GMDS: variants seen among roughly 807,000 people sequenced by gnomAD.
The protein encoded by GMDS is GDP-mannose 4,6-dehydratase.
A neutral mutation model predicts 49.9 loss-of-function variants in GMDS; 20 were observed. The observed-to-expected ratio is 0.40, with a 90% CI of 0.28 to 0.58. The LOEUF (loss-of-function observed/expected upper bound fraction) is 0.58, where lower values mean the gene tolerates loss of function less well. Ranked by LOEUF, GMDS falls within the 20% of genes least tolerant of loss-of-function variation. The pLI is 0.42. For missense variants in GMDS, 362 were observed against 481.4 expected, an observed-to-expected ratio of 0.75 and a Z score of 2.32; for synonymous variants, 177 against 178.6, an observed-to-expected ratio of 0.99 and a Z score of 0.07.
chr6:2,107,794 G>A (rs1486554972), intron 4 of GMDS, among the ~76,000 whole-genome samples: 1 of 152,178 alleles, frequency 6.6e-6, no homozygotes, highest in African/African-American at 2.4e-5. Flanking sequence ...AATTCTTCTA[G>A]ACACAAAAGG....
intron 9 of GMDS, among the ~76,000 whole-genome samples, chr6:1,665,329 G>A (rs539770966): frequency 2.0e-5 from 3 of 152,262 alleles, no homozygotes; most frequent in South Asian, 2.1e-4. Context: ...TTGTTTGAAG[G>A]AGGTAATGGG....
At chr6:2,063,659 T>C (rs1771331424) in intron 4 of GMDS, among the ~76,000 whole-genome samples, 1 of 152,132 alleles carries the variant, frequency 6.6e-6, no homozygotes, top group Non-Finnish European at 1.5e-5. Context: ...ATAAAAGAGG[T>C]GAATGCCACA....
chr6:1,879,608 G>T (rs1469424333), intron 7 of GMDS, among the ~76,000 whole-genome samples: 1 of 149,914 alleles, frequency 6.7e-6, no homozygotes, highest in African/African-American at 2.5e-5. Flanking sequence ...AAAGAATATT[G>T]AGATAGAGAG....
intron 1 of GMDS, among the ~76,000 whole-genome samples, chr6:2,229,447 G>A (rs1780979134): frequency 6.6e-6 from 1 of 151,400 alleles, no homozygotes; most frequent in African/African-American, 2.4e-5. Flanking sequence ...TGAGTCACGT[G>A]TGGTGGCACA....
At chr6:1,668,716 ACAAACAAAC>A (rs1264773541) in intron 9 of GMDS, among the ~76,000 whole-genome samples, 1 of 145,064 alleles carries the variant, frequency 6.9e-6, no homozygotes, top group East Asian at 2.6e-4. Context: ...AAACAAACAA[ACAAACAAAC>A]AAAAAAAACC....
chr6:1,904,878 T>C (rs992619204), intron 7 of GMDS, among the ~76,000 whole-genome samples: 3 of 152,148 alleles, frequency 2.0e-5, no homozygotes, highest in African/African-American at 4.8e-5. Context: ...TGTCACATGG[T>C]TGACAAAGGG....
In GMDS at chr6:1,833,956, C is replaced by A. The variant is rs1432604243; in HGVS notation, c.772-91370G>T. ...CCATAGAACAACTCTAATATTCTTACTCACTCAAAAATGAAGACATGTATA... is the reference window on the plus strand; with the variant it reads ...CCATAGAACAACTCTAATATTCTTAATCACTCAAAAATGAAGACATGTATA... On this transcript the variant is annotated intron_variant, in intron 7 of 10. Transcript: ENST00000380815. The surrounding 1 kb of genome is among the most constrained non-coding windows in gnomAD (Gnocchi z 4.4). Among the ~76,000 whole-genome samples, 1 of 152,200 alleles carries A rather than the reference C, an allele frequency of 6.6e-6. No homozygotes were observed. The highest frequency in any genetic ancestry group is 1.5e-5 in the Non-Finnish European group (1 of 68,026).
At chr6:1,824,463 A>G (rs964260912) in intron 7 of GMDS, among the ~76,000 whole-genome samples, 1 of 151,874 alleles carries the variant, frequency 6.6e-6, no homozygotes, top group Admixed American at 6.6e-5. Context: ...ATACGTCCAC[A>G]CTTTTTTTGT....
intron 1 of GMDS, among the ~76,000 whole-genome samples, chr6:2,150,054 G>A (rs927666959): frequency 2.0e-5 from 3 of 151,984 alleles, no homozygotes; most frequent in African/African-American, 4.8e-5. Context: ...ACACTGCCAC[G>A]ACCCAGTATT....
intron 10 of GMDS, 89 bp downstream of exon 10, chr6:1,624,383 G>A (rs557513136): frequency 3.0e-6 from 4 of 1,348,522 alleles, no homozygotes; most frequent in African/African-American, 2.9e-5. Context: ...TTTGGGCATC[G>A]CAGGCGCCTC....
intron 6 of GMDS, among the ~76,000 whole-genome samples, chr6:1,942,631 GA>G (rs963523026): frequency 1.3e-5 from 2 of 152,150 alleles, no homozygotes; most frequent in African/African-American, 4.8e-5. Context: ...TAGTTTCATA[GA>G]AAAAACTGGA....
At chr6:1,712,955 G>GGGACACGGGGC (rs1766024216) in intron 9 of GMDS, among the ~76,000 whole-genome samples, 1 of 152,206 alleles carries the variant, frequency 6.6e-6, no homozygotes, top group Non-Finnish European at 1.5e-5. Flanking sequence ...TGGATGACCA[G>GGGACACGGGGC]GGACACGGGG....
chr6:1,658,731 C>T (rs1045472400), intron 9 of GMDS, among the ~76,000 whole-genome samples: 2 of 152,248 alleles, frequency 1.3e-5, no homozygotes, highest in African/African-American at 4.8e-5. Flanking sequence ...CTATTTAGCT[C>T]GGCTTTCTGC....
chr6:2,066,764 C>G lies in GMDS; in HGVS notation c.345+49007G>C, dbSNP rs1384055014. ...TACAGGAGCACCCAGATTCATAAAG[C>G]AAGTCCTGAGTGAACTACAAAGAGA... On this transcript the variant is annotated intron_variant, in intron 4 of 10. Coordinates refer to ENST00000380815, the MANE Select transcript of GMDS (RefSeq NM_001500.4). Among the ~76,000 whole-genome samples the G allele has an allele frequency of 3.9e-5, 6 of 152,190 alleles. No individual in the cohort carries two copies. In the East Asian group the frequency reaches 1.2e-3, roughly 29 times the overall value.
At chr6:1,702,916 T>G (rs1765592449) in intron 9 of GMDS, among the ~76,000 whole-genome samples, 1 of 152,222 alleles carries the variant, frequency 6.6e-6, no homozygotes, top group Admixed American at 6.5e-5. Context: ...TACATCATGT[T>G]GACTTATGAC....
intron 1 of GMDS, among the ~76,000 whole-genome samples, chr6:2,190,814 C>T (rs1006490797): frequency 8.5e-5 from 13 of 152,104 alleles, no homozygotes; most frequent in South Asian, 6.2e-4. Flanking sequence ...TGGCGGGAGG[C>T]GGCAGCAGGA....
At chr6:1,783,948 A>C (rs1397308298) in intron 7 of GMDS, among the ~76,000 whole-genome samples, 1 of 152,094 alleles carries the variant, frequency 6.6e-6, no homozygotes, top group Non-Finnish European at 1.5e-5. Flanking sequence ...TTTTGTGATA[A>C]CTCAGTAGGT....
intron 6 of GMDS, among the ~76,000 whole-genome samples, chr6:1,946,836 G>A (rs1763094687): frequency 6.6e-6 from 1 of 152,154 alleles, no homozygotes; most frequent in South Asian, 2.1e-4. Context: ...GCCCTCCTTT[G>A]GGCAGGAGTG....
chr6:1,756,315 GT>G (rs1005872809), intron 7 of GMDS, among the ~76,000 whole-genome samples: 2 of 150,318 alleles, frequency 1.3e-5, no homozygotes, highest in Non-Finnish European at 2.9e-5. Flanking sequence ...CCTGGCTGGA[GT>G]ACAATGGCGC....
Sources: gnomAD v4.1 joint callset for allele counts (sites outside exome capture counted in the v4.1 genomes callset) on GRCh38, gnomAD v4.1.1 for gene constraint, Gnocchi (gnomAD v3.1) non-coding constraint, MANE v1.5 for transcripts, NCBI Gene and HGNC (gene_info 2026-07-23, HGNC 2026-07-21) for gene names.